RGS8: variants seen among roughly 807,000 people sequenced by gnomAD.
RGS8 encodes regulator of G protein signaling 8, also known as regulator of G-protein signaling 8.
RGS8 carries 8 observed loss-of-function variants against 21.7 expected under a neutral mutation model. That is an observed-to-expected ratio of 0.37 (90% CI 0.22 to 0.66). The LOEUF is 0.66. Among genes scored for constraint, RGS8 ranks in the 30% least tolerant of loss-of-function variants. RGS8 has a pLI of 0.59. For missense variants in RGS8, 157 were observed against 217.9 expected, an observed-to-expected ratio of 0.72 and a Z score of 1.76; for synonymous variants, 80 against 83.6, an observed-to-expected ratio of 0.96 and a Z score of 0.24.
At chr1:182,658,610 G>A (rs1321482936) in intron 5 of RGS8, 3 of 152,206 alleles carry the variant, frequency 2.0e-5, no homozygotes, top group Admixed American at 2.0e-4. Context: ...ACAAATCACT[G>A]CTTTGAAATT....
intron 5 of RGS8, among the ~76,000 whole-genome samples, chr1:182,649,405 C>G (rs554445950): frequency 6.6e-6 from 1 of 152,200 alleles, no homozygotes; most frequent in Non-Finnish European, 1.5e-5. Flanking sequence ...GTTACCTGGA[C>G]GGGGTTGCAA....
chr1:182,722,813 A>G, the RGS8 span, among the ~76,000 whole-genome samples: 23 of 151,970 alleles, frequency 1.5e-4, 1 homozygote, highest in East Asian at 3.7e-3. Flanking sequence ...CGTCTCTACT[A>G]AAAAATAGAA....
At chr1:182,746,270 T>C in the RGS8 span, among the ~76,000 whole-genome samples, 5 of 152,246 alleles carry the variant, frequency 3.3e-5, no homozygotes, top group East Asian at 9.6e-4. Context: ...ACTTTTCTAA[T>C]GTGTTTCCAA....
exon 7 of RGS8, chr1:182,646,710 A>T: frequency 6.3e-7 from 1 of 1,590,212 alleles, no homozygotes; most frequent in Non-Finnish European, 8.6e-7. Context: ...AAAGCCGGTG[A>T]TTTCCAGGAG....
chr1:182,749,287 C>T, the RGS8 span, among the ~76,000 whole-genome samples: 4 of 152,142 alleles, frequency 2.6e-5, no homozygotes, highest in Non-Finnish European at 5.9e-5. Flanking sequence ...AGAGGAAGGT[C>T]TAATTTTTTT....
chr1:182,741,906 G>T, the RGS8 span, among the ~76,000 whole-genome samples: 1 of 144,298 alleles, frequency 6.9e-6, no homozygotes, highest in African/African-American at 2.5e-5. Context: ...CCTCCCGGAG[G>T]AGGTGGCTGC....
downstream of RGS8, chr1:182,644,284 A>C (rs1662606479): frequency 6.6e-6 from 1 of 152,196 alleles, no homozygotes; most frequent in Non-Finnish European, 1.5e-5. Context: ...GGAAAGCTCC[A>C]CCCCACGGGA....
the RGS8 span, among the ~76,000 whole-genome samples, chr1:182,695,704 T>TG: frequency 1.3e-5 from 2 of 152,116 alleles, no homozygotes; most frequent in Non-Finnish European, 2.9e-5. Flanking sequence ...GATACAGAAG[T>TG]GGTTGATAGA....
chr1:182,700,259 G>A, the RGS8 span, among the ~76,000 whole-genome samples: 1 of 152,202 alleles, frequency 6.6e-6, no homozygotes, highest in Non-Finnish European at 1.5e-5. Context: ...TGAAAATGCT[G>A]TTGCCGGGCA....
At chr1:182,705,545 C>CAAGACAGTATATAGAGAGTTGCCAGT in the RGS8 span, among the ~76,000 whole-genome samples, 1 of 151,066 alleles carries the variant, frequency 6.6e-6, no homozygotes, top group African/African-American at 2.4e-5. Flanking sequence ...TTTTTTATAG[C>CAAGACAGTATATAGAGAGTTGCCAGT]TACTTTATCT....
chr1:182,685,100 A>AT (rs944482120), upstream of RGS8, among the ~76,000 whole-genome samples: 19 of 152,156 alleles, frequency 1.2e-4, no homozygotes, highest in South Asian at 2.1e-4. Flanking sequence ...GCAAAAAAAA[A>AT]AAAAAAATTA....
intron 5 of RGS8, among the ~76,000 whole-genome samples, chr1:182,656,551 AG>A (rs959249975): frequency 3.3e-5 from 5 of 152,256 alleles, no homozygotes; most frequent in African/African-American, 1.2e-4. Context: ...AACCATGGCC[AG>A]GGGATGCTGT....
intron 1 of RGS8, among the ~76,000 whole-genome samples, chr1:182,683,847 A>G (rs1026943150): frequency 2.6e-5 from 4 of 152,182 alleles, no homozygotes; most frequent in Non-Finnish European, 4.4e-5. Flanking sequence ...CAGCAACACC[A>G]AAGACCTGCA....
chr1:182,724,209 T>G, the RGS8 span, among the ~76,000 whole-genome samples: 3 of 85,456 alleles, frequency 3.5e-5, no homozygotes, highest in South Asian at 9.2e-4. Flanking sequence ...TGGATATATA[T>G]ATATATATAT....
chr1:182,683,765 A>G (rs1664617905), intron 1 of RGS8, among the ~76,000 whole-genome samples: 1 of 152,142 alleles, frequency 6.6e-6, no homozygotes, highest in South Asian at 2.1e-4. Flanking sequence ...GTGACCTCCA[A>G]TTTTAATCTC....
chr1:182,744,684 T>A, the RGS8 span, among the ~76,000 whole-genome samples: 2 of 152,252 alleles, frequency 1.3e-5, no homozygotes, highest in Non-Finnish European at 2.9e-5. Flanking sequence ...GTTTGTTGCC[T>A]AGGTGTGTAG....
the RGS8 span, among the ~76,000 whole-genome samples, chr1:182,721,084 T>C: frequency 1.8e-4 from 10 of 54,142 alleles, no homozygotes; most frequent in African/African-American, 6.6e-4. Flanking sequence ...TATATACACA[T>C]ATATATGTGT....
At chr1:182,691,107 A>G in the RGS8 span, among the ~76,000 whole-genome samples, 2 of 152,234 alleles carry the variant, frequency 1.3e-5, no homozygotes, top group African/African-American at 2.4e-5. Flanking sequence ...CTGACTGTTG[A>G]TATAAGAGTG....
upstream of RGS8, chr1:182,672,953 A>C: frequency 9.0e-7 from 1 of 1,107,690 alleles, no homozygotes; most frequent in South Asian, 1.2e-5. Flanking sequence ...TCAGAAATGC[A>C]AATGTTCAGG....
Sources: gnomAD v4.1 joint callset for allele counts (sites outside exome capture counted in the v4.1 genomes callset) on GRCh38, gnomAD v4.1.1 for gene constraint, MANE v1.5 for transcripts, NCBI Gene and HGNC (gene_info 2026-07-23, HGNC 2026-07-21) for gene names.